Variants in RAPGEF6 observed in about 807,000 individuals in gnomAD.
RAPGEF6 encodes the protein Rap guanine nucleotide exchange factor 6.
RAPGEF6 carries 56 observed loss-of-function variants against 171.4 expected under a neutral mutation model. The observed-to-expected ratio is 0.33, with a 90% CI of 0.26 to 0.41. The LOEUF (loss-of-function observed/expected upper bound fraction) is 0.41, where lower values mean the gene tolerates loss of function less well. Among genes scored for constraint, RAPGEF6 ranks in the 10% least tolerant of loss-of-function variants. The pLI is 1.00. For missense variants in RAPGEF6, 1,674 were observed against 1,921.4 expected (o/e 0.87, Z 2.41); for synonymous variants, 692 against 650.1 (o/e 1.06, Z -0.98).
chr5:131,631,593 A>G (rs1766310125), intron 1 of RAPGEF6, among the ~76,000 whole-genome samples: 1 of 152,156 alleles, frequency 6.6e-6, no homozygotes, highest in African/African-American at 2.4e-5. Flanking sequence ...ACAGCCGTTA[A>G]CCTCCTGCTT....
chr5:131,436,120 T>C (rs1221356484), intron 24 of RAPGEF6: 7 of 1,538,024 alleles, frequency 4.6e-6, no homozygotes, highest in South Asian at 2.4e-5. Context: ...GTGATCTGTG[T>C]CCTCTTTTTG....
intron 5 of RAPGEF6, among the ~76,000 whole-genome samples, chr5:131,553,923 A>C (rs1466931653): frequency 1.3e-5 from 2 of 152,108 alleles, no homozygotes; most frequent in East Asian, 3.8e-4. Flanking sequence ...GGTTGAAAAA[A>C]AAAATGTCAA....
rs73786692 is a variant in RAPGEF6 at position 131,512,945 on chromosome 5, A to G, written c.628-2454T>C. ...AAACTTTCCAGCCTCAAGAATAGTGAGAAATAAATTTCTGGTGTTTATAAG... is the reference window on the plus strand; with the variant it reads ...AAACTTTCCAGCCTCAAGAATAGTGGGAAATAAATTTCTGGTGTTTATAAG... On this transcript the variant is annotated intron_variant, in intron 7 of 27. Transcript: ENST00000509018. Among the ~76,000 whole-genome samples, 970 of 152,260 alleles carry G rather than the reference A, an allele frequency of 6.4e-3. 7 individuals carry two copies. Among genetic ancestry groups the G allele is most frequent in the African/African-American group, 0.022 (909 of 41,536 alleles).
At chr5:131,585,174 C>T (rs1385111250) in intron 4 of RAPGEF6, among the ~76,000 whole-genome samples, 1 of 151,836 alleles carries the variant, frequency 6.6e-6, no homozygotes, top group Non-Finnish European at 1.5e-5. Flanking sequence ...CTAGGTATCC[C>T]TATGGAAAAC....
chr5:131,504,795 T>C lies in RAPGEF6; in HGVS notation c.1102-17A>G. The C allele has an allele frequency of 1.9e-6, 3 of 1,603,382 alleles. No individual in the cohort carries two copies. Among genetic ancestry groups the C allele is most frequent in the South Asian group, 2.2e-5 (2 of 89,334 alleles). On this transcript the variant is annotated splice_polypyrimidine_tract_variant and intron_variant, in intron 10 of 27. Transcript: ENST00000509018. The stretch of plus-strand genomic sequence containing the variant: ...GCAGACAAACTGTCCAAGAACAACA[T>C]GGGGACAGTTAATGAACCTATAGTA...
At chr5:131,428,744 G>A (rs1751520182) in intron 27 of RAPGEF6, among the ~76,000 whole-genome samples, 158 bp downstream of exon 27, 2 of 152,148 alleles carry the variant, frequency 1.3e-5, no homozygotes, top group Non-Finnish European at 2.9e-5. Context: ...TTACAGGTGT[G>A]AGCCACTGCA....
intron 4 of RAPGEF6, among the ~76,000 whole-genome samples, chr5:131,581,844 T>C (rs1207802681): frequency 1.3e-5 from 2 of 152,140 alleles, no homozygotes; most frequent in Admixed American, 6.5e-5. Context: ...CTTGTGAATG[T>C]ACTTTGTAAC....
At chr5:131,436,074 A>T (rs774932591) in intron 24 of RAPGEF6, 2 of 1,537,876 alleles carry the variant, frequency 1.3e-6, no homozygotes, top group South Asian at 2.4e-5. Context: ...TGCTTCCAAC[A>T]TCCTTCACTT....
At chr5:131,551,986 C>T (rs1411377573) in intron 5 of RAPGEF6, among the ~76,000 whole-genome samples, 1 of 151,926 alleles carries the variant, frequency 6.6e-6, no homozygotes, top group Non-Finnish European at 1.5e-5. Context: ...GGTACAGAAT[C>T]CAAATGCCAA....
chr5:131,518,971 C>T (rs1046543331), intron 7 of RAPGEF6, among the ~76,000 whole-genome samples: 2 of 151,918 alleles, frequency 1.3e-5, no homozygotes, highest in Non-Finnish European at 2.9e-5. Flanking sequence ...CTGGAAAAGG[C>T]AAAACTATAA....
intron 1 of RAPGEF6, among the ~76,000 whole-genome samples, chr5:131,626,153 A>T (rs1765917701): frequency 6.6e-6 from 1 of 152,152 alleles, no homozygotes; most frequent in African/African-American, 2.4e-5. Flanking sequence ...ATCATGTACC[A>T]TCATCCCCAA....
At position 131,461,881 on chromosome 5, in the gene RAPGEF6, T is replaced by A. The variant is rs1242853869; in HGVS notation, c.2688A>T (p.Gly896=). The change falls in exon 19 of 28, where the codon GGA becomes GGT. Residue 896 remains glycine (G), a synonymous_variant. Transcript: ENST00000509018. The part of the protein sequence containing the change: ...DDLFKLNSKT[G]NTHLKRFEDI... ...CCTCAAACCTCTTCAAATGAGTATT[T>A]CCTGTTTTGGAATTTAACTTAAAAA... is the stretch of plus-strand genomic sequence containing the variant. The A allele has an allele frequency of 6.2e-7, 1 of 1,614,130 alleles. No individual in the cohort carries two copies. Among genetic ancestry groups the A allele is most frequent in the African/African-American group, 1.3e-5 (1 of 75,058 alleles).
At chr5:131,544,804 T>C (rs1418243572) in intron 6 of RAPGEF6, among the ~76,000 whole-genome samples, 2 of 152,146 alleles carry the variant, frequency 1.3e-5, no homozygotes, top group Non-Finnish European at 2.9e-5. Context: ...TGCCTCAGCC[T>C]CCCAAGTAGC....
chr5:131,625,937 C>G lies in RAPGEF6; in HGVS notation c.69+9025G>C, dbSNP rs11746364. 1.6e-3 allele frequency among the ~76,000 whole-genome samples: 236 copies of G among 152,166 alleles called. 1 individual carries two copies. Among genetic ancestry groups the G allele is most frequent in the African/African-American group, 5.4e-3 (223 of 41,528 alleles). On this transcript the variant is annotated intron_variant, in intron 1 of 27. Transcript: ENST00000509018. Reference sequence around the variant, plus strand: ...ATACATGTCCAGTCTACCTGTATACCTATAAGCCTCCCTGTCTCTAGTCTG... The same window carrying G: ...ATACATGTCCAGTCTACCTGTATACGTATAAGCCTCCCTGTCTCTAGTCTG...
At chr5:131,467,704 C>A (rs930782835) in intron 17 of RAPGEF6, among the ~76,000 whole-genome samples, 6 of 152,148 alleles carry the variant, frequency 3.9e-5, no homozygotes, top group Admixed American at 3.3e-4. Flanking sequence ...GACAAAAATA[C>A]AGTACAATTT....
intron 23 of RAPGEF6, among the ~76,000 whole-genome samples, chr5:131,441,041 C>T (rs1752352465): frequency 6.6e-6 from 1 of 152,142 alleles, no homozygotes; most frequent in Non-Finnish European, 1.5e-5. Context: ...TAATTTGAAC[C>T]GTAACCTTCT....
At chr5:131,549,166 C>T (rs1034030896) in intron 5 of RAPGEF6, among the ~76,000 whole-genome samples, 1 of 152,110 alleles carries the variant, frequency 6.6e-6, no homozygotes, top group Non-Finnish European at 1.5e-5. Context: ...CCTGTCCAAT[C>T]ACAGAACAAA....
chr5:131,605,699 C>G (rs962080471), intron 1 of RAPGEF6, among the ~76,000 whole-genome samples: 1 of 151,820 alleles, frequency 6.6e-6, no homozygotes, highest in African/African-American at 2.4e-5. Context: ...AACTTGTTTT[C>G]TAGTAGGTTA....
At chr5:131,613,284 C>T (rs534227804) in intron 1 of RAPGEF6, among the ~76,000 whole-genome samples, 2 of 152,232 alleles carry the variant, frequency 1.3e-5, no homozygotes, top group South Asian at 4.2e-4. Flanking sequence ...GTGGCGGGCG[C>T]CTACAGTCCC....
Sources: allele counts gnomAD v4.1 joint callset (sites outside exome capture counted in the v4.1 genomes callset), GRCh38; gene constraint gnomAD v4.1.1; transcripts MANE v1.5; gene names NCBI Gene and HGNC (gene_info 2026-07-23, HGNC 2026-07-21).